Variants in SCAI observed in about 807,000 individuals in gnomAD.
SCAI encodes suppressor of cancer cell invasion.
SCAI carries 24 observed loss-of-function variants against 92.2 expected under a neutral mutation model. That is an observed-to-expected ratio of 0.26 (90% CI 0.19 to 0.37). SCAI has a LOEUF of 0.37. Among genes scored for constraint, SCAI ranks in the 10% least tolerant of loss-of-function variants. The probability of loss-of-function intolerance (pLI) is 1.00; values close to 1 mark genes in which losing one functional copy is unlikely to be tolerated. For missense variants in SCAI, 450 were observed against 736.2 expected (o/e 0.61, Z 4.50); for synonymous variants, 261 against 258.6 (o/e 1.01, Z -0.09).
intron 15 of SCAI, among the ~76,000 whole-genome samples, chr9:124,975,658 C>T (rs1831740527): frequency 6.6e-6 from 1 of 152,176 alleles, no homozygotes; most frequent in African/African-American, 2.4e-5. Flanking sequence ...AAAAGAAACA[C>T]TTTAAGTTGT....
At chr9:125,142,176 A>G (rs1189063513) in intron 2 of SCAI, 1 of 153,890 alleles carries the variant, frequency 6.5e-6, no homozygotes, top group East Asian at 1.9e-4. Context: ...TAGTTTTTCA[A>G]TTTTTTGTAG....
At chr9:124,953,998 A>T (rs1831274754) in intron 17 of SCAI, among the ~76,000 whole-genome samples, 1 of 152,184 alleles carries the variant, frequency 6.6e-6, no homozygotes, top group Non-Finnish European at 1.5e-5. Context: ...ACAGGTGTGC[A>T]CAACCATGCG....
chr9:125,014,836 A>G (rs1229664283), intron 9 of SCAI, among the ~76,000 whole-genome samples: 1 of 152,226 alleles, frequency 6.6e-6, no homozygotes, highest in Non-Finnish European at 1.5e-5. Context: ...AAACAGAGAC[A>G]TAGATCAATG....
chr9:125,093,864 G>A (rs533746791), intron 2 of SCAI, among the ~76,000 whole-genome samples: 5 of 151,966 alleles, frequency 3.3e-5, no homozygotes, highest in African/African-American at 1.2e-4. Context: ...GTGCCCGGCC[G>A]ACACCTACGT....
At chr9:125,127,369 T>C (rs1835299514) in intron 2 of SCAI, among the ~76,000 whole-genome samples, 1 of 151,932 alleles carries the variant, frequency 6.6e-6, no homozygotes, top group Admixed American at 6.6e-5. Context: ...TCTAACCAGT[T>C]TGGTAGAATT....
At chr9:124,971,907 G>A (rs1831667809) in intron 15 of SCAI, 63 bp from the exon 16 acceptor site, 4 of 935,788 alleles carry the variant, frequency 4.3e-6, no homozygotes, top group Non-Finnish European at 3.1e-6. Flanking sequence ...AGATACATAT[G>A]AGGAACATTT....
chr9:125,041,981 C>CA (rs543177112), intron 3 of SCAI, among the ~76,000 whole-genome samples: 10 of 151,602 alleles, frequency 6.6e-5, no homozygotes, highest in Middle Eastern at 3.4e-3. Context: ...TGAAGAGTTT[C>CA]AAAAAAAACT....
intron 14 of SCAI, among the ~76,000 whole-genome samples, chr9:124,985,305 G>T (rs1228733715): frequency 6.6e-6 from 1 of 151,164 alleles, no homozygotes; most frequent in Non-Finnish European, 1.5e-5. Flanking sequence ...AGTTCCTGAG[G>T]GTTGTCAGTG....
Position 124,995,028 on chromosome 9 carries a change from C to T in SCAI, c.1245-13G>A. 1 of 1,590,166 alleles carries T rather than the reference C, an allele frequency of 6.3e-7. No homozygotes were observed. Among genetic ancestry groups the T allele is most frequent in the Non-Finnish European group, 8.6e-7 (1 of 1,161,824 alleles). On this transcript the variant is annotated splice_polypyrimidine_tract_variant and intron_variant, in intron 13 of 17. Transcript: ENST00000336505. ...CCCGGGATGAAGGCTGGGAAAACAA[C>T]AACGAAGAACTGTTAAACTGTGTCA...
intron 17 of SCAI, chr9:124,968,646 G>A: frequency 9.7e-7 from 1 of 1,026,342 alleles, no homozygotes; most frequent in Non-Finnish European, 1.6e-6. Flanking sequence ...TCTTTCATAG[G>A]TGGTCTCATC....
At chr9:125,120,878 T>C (rs1376678530) in intron 2 of SCAI, among the ~76,000 whole-genome samples, 2 of 150,884 alleles carry the variant, frequency 1.3e-5, no homozygotes, top group African/African-American at 2.4e-5. Context: ...TAAGACTTCA[T>C]CTCAAAAAAA....
intron 2 of SCAI, among the ~76,000 whole-genome samples, chr9:125,086,850 T>C (rs372526230): frequency 3.3e-5 from 5 of 152,196 alleles, no homozygotes; most frequent in East Asian, 1.9e-4. Flanking sequence ...CTTTCCCATA[T>C]GTAAGATGGG....
At chr9:125,009,658 G>A (rs1832589700) in intron 9 of SCAI, among the ~76,000 whole-genome samples, 1 of 151,940 alleles carries the variant, frequency 6.6e-6, no homozygotes, top group Non-Finnish European at 1.5e-5. Flanking sequence ...AGGCCAAGCT[G>A]GGGGCAGATC....
rs139156398 is a variant in SCAI at position 125,042,664 on chromosome 9, C to CACACACACACACACAT, written c.231-12926_231-12925insATGTGTGTGTGTGTGT. Among the ~76,000 whole-genome samples the CACACACACACACACAT allele has an allele frequency of 3.0e-3, 390 of 129,734 alleles. 4 individuals are homozygous for CACACACACACACACAT. Among genetic ancestry groups the CACACACACACACACAT allele is most frequent in the African/African-American group, 5.2e-3 (186 of 35,582 alleles). The allele number at this position is 129,734 out of a possible 152,430, so 85.1% of individuals were successfully genotyped here. A position where few individuals can be genotyped will look rare whatever the true frequency, so the allele number is the denominator to read the frequency against. ...ACACACACACACACACACACACACACACATATACAAAAAGAAACATACATA... is the reference window on the plus strand; with the variant it reads ...ACACACACACACACACACACACACACACACACACACACACATACATATACAAAAAGAAACATACATA... On this transcript the variant is annotated intron_variant, in intron 3 of 17. Transcript: ENST00000336505.
In SCAI at chr9:125,001,983, C is replaced by G. The variant is rs1369864954; in HGVS notation, c.1126G>C (p.Gly376Arg). The change falls in exon 12 of 18, where the codon GGT becomes CGT. Residue 376 changes from glycine to arginine, a missense_variant. Physicochemically the swap from Gly to Arg is moderately radical, Grantham distance 125. Transcript: ENST00000336505. Reference protein sequence around the residue: ...YLSATGVFPTGRSDSEGPYDF... With the variant: ...YLSATGVFPTRRSDSEGPYDF... Reference sequence around the variant, plus strand: ...ATTGTACCTTCACTATCAGAACGACCTGTGGGGAAAACGCCAGTGGCCGAC... The same window carrying G: ...ATTGTACCTTCACTATCAGAACGACGTGTGGGGAAAACGCCAGTGGCCGAC... 1.2e-6 allele frequency: 2 copies of G among 1,612,912 alleles called. No homozygotes were observed. The highest frequency in any genetic ancestry group is 1.7e-6 in the Non-Finnish European group (2 of 1,179,074).
At position 125,092,003 on chromosome 9, in the gene SCAI, G is replaced by A. The variant is rs150324703; in HGVS notation, c.99-35996C>T. Among the ~76,000 whole-genome samples the A allele has an allele frequency of 3.3e-4, 50 of 151,740 alleles. 1 individual carries two copies. In the East Asian group the frequency reaches 4.1e-3, roughly 12 times the overall value. On this transcript the variant is annotated intron_variant, in intron 2 of 17. Transcript: ENST00000336505. Reference sequence around the variant, plus strand: ...AAATTAGCCAGGCGTGGTGGTGGGCGCCTGTAGTCCCAGCTACTTGGGAGG... The same window carrying A: ...AAATTAGCCAGGCGTGGTGGTGGGCACCTGTAGTCCCAGCTACTTGGGAGG...
intron 2 of SCAI, among the ~76,000 whole-genome samples, chr9:125,084,989 A>T (rs1834297515): frequency 6.6e-6 from 1 of 152,196 alleles, no homozygotes; most frequent in African/African-American, 2.4e-5. Flanking sequence ...ATCAAATTTC[A>T]GTTTCTTCAT....
In SCAI at chr9:125,110,526, G is replaced by A. The variant is rs116970272; in HGVS notation, c.98+32107C>T. Among the ~76,000 whole-genome samples, 1,191 of 152,276 alleles carry A rather than the reference G, an allele frequency of 7.8e-3. 10 individuals carry two copies. The highest frequency in any genetic ancestry group is 0.012 in the Non-Finnish European group (788 of 68,016). On this transcript the variant is annotated intron_variant, in intron 2 of 17. Coordinates refer to ENST00000336505, the MANE Select transcript of SCAI (RefSeq NM_001144877.3). Reference sequence around the variant, plus strand: ...TGAACAGCAATCCCCAATGTTGGAGGTGGAGTCTGGTGGGAGGGAATTGGA... The same window carrying A: ...TGAACAGCAATCCCCAATGTTGGAGATGGAGTCTGGTGGGAGGGAATTGGA...
At position 125,029,333 on chromosome 9, in the gene SCAI, G is replaced by T. The variant is rs143322079; in HGVS notation, c.326+311C>A. Among the ~76,000 whole-genome samples the T allele has an allele frequency of 5.5e-3, 833 of 151,998 alleles. 8 individuals are homozygous for T. The highest frequency in any genetic ancestry group is 0.019 in the African/African-American group (786 of 41,450). ...GATAGGGTTTAGCCATGCTGCCAAGGCTGGTCTCAAACTCCTGAGCTCAAG... is the reference window on the plus strand; with the variant it reads ...GATAGGGTTTAGCCATGCTGCCAAGTCTGGTCTCAAACTCCTGAGCTCAAG... On this transcript the variant is annotated intron_variant, in intron 4 of 17. Coordinates refer to ENST00000336505, the MANE Select transcript of SCAI (RefSeq NM_001144877.3).
Sources: allele counts gnomAD v4.1 joint callset (sites outside exome capture counted in the v4.1 genomes callset), GRCh38; gene constraint gnomAD v4.1.1; transcripts MANE v1.5; gene names NCBI Gene and HGNC (gene_info 2026-07-23, HGNC 2026-07-21).